The following RNF138 variants were observed in gnomAD, a reference collection of about 807,000 sequenced individuals.
The protein encoded by RNF138 is E3 ubiquitin-protein ligase RNF138.
RNF138 carries 12 observed loss-of-function variants against 31.0 expected under a neutral mutation model. The observed-to-expected ratio is 0.39, with a 90% CI of 0.25 to 0.63. RNF138 has a LOEUF of 0.63. Among genes scored for constraint, RNF138 ranks in the 20% least tolerant of loss-of-function variants. The probability of loss-of-function intolerance (pLI) is 0.52; values close to 1 mark genes in which losing one functional copy is unlikely to be tolerated. For synonymous variants in RNF138, 105 were observed against 99.5 expected, an observed-to-expected ratio of 1.06 and a Z score of -0.33; for missense variants, 192 against 300.1, an observed-to-expected ratio of 0.64 and a Z score of 2.66.
At position 32,131,376 on chromosome 18, in the gene RNF138, GTT is replaced by G. The variant is rs3980844; in HGVS notation, c.*2191_*2192del. The G allele has an allele frequency of 1.3e-5, 2 of 151,776 alleles. No homozygotes were observed. Among genetic ancestry groups the G allele is most frequent in the Non-Finnish European group, 2.9e-5 (2 of 67,868 alleles). The allele number at this position is 151,776 out of a possible 1,614,324, so 9.4% of individuals were successfully genotyped here. On this transcript the variant is annotated 3_prime_UTR_variant, in exon 8 of 8. Transcript: ENST00000261593. Reference sequence around the variant, plus strand: ...ATGGAAATTAAATTTATGGGGAAAAGTTTATTTTTAATATTACTTATAGCTGA... The same window carrying G: ...ATGGAAATTAAATTTATGGGGAAAAGTATTTTTAATATTACTTATAGCTGA...
At chr18:32,097,585 G>A (rs1277241619) in intron 2 of RNF138, among the ~76,000 whole-genome samples, 1 of 151,888 alleles carries the variant, frequency 6.6e-6, no homozygotes, top group Non-Finnish European at 1.5e-5. Flanking sequence ...CTGGATTTAA[G>A]CGATTCTCCT....
chr18:32,111,310 A>G (rs1358048214), intron 2 of RNF138, among the ~76,000 whole-genome samples: 1 of 152,200 alleles, frequency 6.6e-6, no homozygotes. Flanking sequence ...ATGTCGATAT[A>G]CATCAGTTTG....
intron 2 of RNF138, among the ~76,000 whole-genome samples, chr18:32,096,245 C>T (rs2039802192): frequency 6.6e-6 from 1 of 152,140 alleles, no homozygotes; most frequent in South Asian, 2.1e-4. Flanking sequence ...AGAAAGTTTA[C>T]CTTCATAGCA....
intron 7 of RNF138, among the ~76,000 whole-genome samples, chr18:32,127,373 A>C (rs1346230105): frequency 1.3e-5 from 2 of 152,216 alleles, no homozygotes; most frequent in Non-Finnish European, 2.9e-5. Context: ...AATTAGGTGA[A>C]AACCTGTTTT....
At chr18:32,100,851 C>G (rs1357815960) in intron 2 of RNF138, among the ~76,000 whole-genome samples, 2 of 152,120 alleles carry the variant, frequency 1.3e-5, no homozygotes. Flanking sequence ...GCGATCTGCT[C>G]GCCTTGGCCT....
intron 5 of RNF138, 34 bp downstream of exon 5, chr18:32,123,608 G>A: frequency 1.6e-6 from 2 of 1,248,650 alleles, no homozygotes; most frequent in African/African-American, 1.6e-5. Flanking sequence ...ACTTTAGCAA[G>A]TAATATTATA....
rs914673896 is a variant in RNF138, at chr18:32,124,826, T to G, written c.542T>G (p.Leu181Arg). The change falls in exon 6 of 8, where the codon CTA becomes CGA. Residue 181 changes from leucine (L) to arginine (R), a missense_variant. Physicochemically the swap from Leu to Arg is moderately radical, Grantham distance 102 (BLOSUM62 -2). This residue lies in a region of RNF138 where 140 missense variants were observed against 251.7 expected (regional missense o/e 0.56). Coordinates refer to ENST00000261593, the MANE Select transcript of RNF138 (RefSeq NM_016271.5). ...RLLDHCNSNH[L>R]FQIVPVTCPI... ...CTGGATCACTGTAACAGTAATCACCTATTTCAGATAGTTCCTGTGGTAAGT... is the reference window on the plus strand; with the variant it reads ...CTGGATCACTGTAACAGTAATCACCGATTTCAGATAGTTCCTGTGGTAAGT... 1.3e-6 allele frequency: 2 copies of G among 1,557,426 alleles called. No homozygotes were observed. The highest frequency in any genetic ancestry group is 1.8e-6 in the Non-Finnish European group (2 of 1,128,356).
intron 2 of RNF138, among the ~76,000 whole-genome samples, chr18:32,107,784 T>C (rs2040059906): frequency 6.6e-6 from 1 of 152,078 alleles, no homozygotes; most frequent in Admixed American, 6.6e-5. Context: ...CCCAAAGTGC[T>C]GGGATTACAG....
intron 2 of RNF138, among the ~76,000 whole-genome samples, chr18:32,103,335 C>T (rs1489666769): frequency 6.6e-6 from 1 of 151,970 alleles, no homozygotes; most frequent in Non-Finnish European, 1.5e-5. Context: ...ACTACAGGTG[C>T]ACACCACCAT....
At chr18:32,120,877 C>T (rs1019703257) in intron 4 of RNF138, among the ~76,000 whole-genome samples, 6 of 152,176 alleles carry the variant, frequency 3.9e-5, no homozygotes, top group African/African-American at 1.4e-4. Context: ...GGGGCGGTGG[C>T]TCATGTCTGT....
intron 2 of RNF138, among the ~76,000 whole-genome samples, chr18:32,099,134 G>A (rs758909314): frequency 1.3e-5 from 2 of 152,098 alleles, no homozygotes; most frequent in Non-Finnish European, 2.9e-5. Flanking sequence ...AAAGTTGAGA[G>A]AAATGTAAAG....
rs182147142 is a variant in RNF138 at position 32,092,582 on chromosome 18, C to G, written c.-77-118C>G. The G allele has an allele frequency of 1.3e-4, 74 of 578,910 alleles. 1 individual carries two copies. The highest frequency in any genetic ancestry group is 5.7e-4 in the African/African-American group (30 of 52,558). 35.9% of individuals were successfully genotyped at this position (578,910 alleles called of 1,614,324 possible). A position where few individuals can be genotyped will look rare whatever the true frequency, so the allele number is the denominator to read the frequency against. ...AGCCGTGGGAGGGGTCGCCTCTTGC[C>G]CGGCGCGTGCGGCAGTAGCGTCTCT... On this transcript the variant is annotated intron_variant, in intron 1 of 7. Transcript: ENST00000261593.
chr18:32,104,018 T>G (rs2039987103), intron 2 of RNF138, among the ~76,000 whole-genome samples: 1 of 150,616 alleles, frequency 6.6e-6, no homozygotes. Flanking sequence ...AAAAACTTTT[T>G]TTTTTTTTTT....
intron 3 of RNF138, among the ~76,000 whole-genome samples, chr18:32,112,715 T>C (rs2040153234): frequency 2.0e-5 from 3 of 152,056 alleles, no homozygotes; most frequent in Admixed American, 2.0e-4. Context: ...TCACAAAATA[T>C]TTGGTTAATT....
At chr18:32,101,945 C>T (rs998754339) in intron 2 of RNF138, among the ~76,000 whole-genome samples, 4 of 152,076 alleles carry the variant, frequency 2.6e-5, no homozygotes, top group East Asian at 1.9e-4. Context: ...GGCATAATCA[C>T]GGCTTACTGC....
chr18:32,107,116 C>CTTT lies in RNF138; in HGVS notation c.111-4619_111-4617dup, dbSNP rs58774714. On this transcript the variant is annotated intron_variant, in intron 2 of 7. Coordinates refer to ENST00000261593, the MANE Select transcript of RNF138 (RefSeq NM_016271.5). ...TGGTTAAATTCACTTTCCTTTTTTC[C>CTTT]TTTTTTTTTTTTTTTTTTTTTGGAG... 9.9e-3 allele frequency among the ~76,000 whole-genome samples: 996 copies of CTTT among 100,556 alleles called. 36 individuals carry two copies. The highest frequency in any genetic ancestry group is 0.032 in the African/African-American group (807 of 25,080). The allele number at this position is 100,556 out of a possible 152,430, so 66.0% of individuals were successfully genotyped here.
At chr18:32,110,878 T>TCATGCCATTCTCCTGCCTC (rs1252978235) in intron 2 of RNF138, among the ~76,000 whole-genome samples, 14 of 152,140 alleles carry the variant, frequency 9.2e-5, no homozygotes, top group Non-Finnish European at 1.8e-4. Flanking sequence ...TCTCCTGGGT[T>TCATGCCATTCTCCTGCCTC]CATGCCATTC....
intron 5 of RNF138, 71 bp downstream of exon 5, chr18:32,123,645 A>G: frequency 9.1e-7 from 1 of 1,095,144 alleles, no homozygotes; most frequent in South Asian, 1.5e-5. Flanking sequence ...TAGCTTTTTA[A>G]ATTAAACTTT....
Position 32,129,329 on chromosome 18 carries a change from T to C in RNF138, c.*142T>C. On this transcript the variant is annotated 3_prime_UTR_variant, in exon 8 of 8. Coordinates refer to ENST00000261593, the MANE Select transcript of RNF138 (RefSeq NM_016271.5). ...TTTAGTTTTTGATTGAAAATAAAGG[T>C]AGGGCTTCTAAAAACTTCATCATCT... is the stretch of plus-strand genomic sequence containing the variant. The C allele has an allele frequency of 1.8e-6, 1 of 570,542 alleles. No individual in the cohort carries two copies. The highest frequency in any genetic ancestry group is 2.8e-5 in the East Asian group (1 of 35,896). The allele number at this position is 570,542 out of a possible 1,614,324, so 35.3% of individuals were successfully genotyped here.
Sources: allele counts gnomAD v4.1 joint callset (sites outside exome capture counted in the v4.1 genomes callset), GRCh38; gene constraint gnomAD v4.1.1; regional missense constraint gnomAD v4.1.1; transcripts MANE v1.5; gene names NCBI Gene and HGNC (gene_info 2026-07-23, HGNC 2026-07-21).